The following LRRC4C variants were observed in gnomAD, a reference collection of about 807,000 sequenced individuals.
The protein encoded by LRRC4C is leucine rich repeat containing 4C, also known as leucine-rich repeat-containing protein 4C.
LRRC4C carries 5 observed loss-of-function variants against 33.6 expected under a neutral mutation model. That is an observed-to-expected ratio of 0.15 (90% CI 0.08 to 0.31). The LOEUF is 0.31. Among genes scored for constraint, LRRC4C ranks in the 10% least tolerant of loss-of-function variants. The probability of loss-of-function intolerance (pLI) is 1.00; values close to 1 mark genes in which losing one functional copy is unlikely to be tolerated. For missense variants in LRRC4C, 560 were observed against 796.7 expected, an observed-to-expected ratio of 0.70 and a Z score of 3.58; for synonymous variants, 329 against 302.0, an observed-to-expected ratio of 1.09 and a Z score of -0.93.
At chr11:41,426,056 G>T (rs991491637) in intron 1 of LRRC4C, among the ~76,000 whole-genome samples, 8 of 152,136 alleles carry the variant, frequency 5.3e-5, no homozygotes, top group Non-Finnish European at 1.2e-4. Context: ...TTCACAGTTT[G>T]TGAAACTGGG....
intron 5 of LRRC4C, among the ~76,000 whole-genome samples, chr11:40,210,164 A>G (rs1458308716): frequency 3.3e-5 from 5 of 152,072 alleles, no homozygotes; most frequent in Non-Finnish European, 7.4e-5. Flanking sequence ...AAAACTCTCA[A>G]GGCTGAGGCA....
chr11:40,640,660 T>G (rs1217325057), intron 3 of LRRC4C, among the ~76,000 whole-genome samples: 1 of 152,212 alleles, frequency 6.6e-6, no homozygotes, highest in African/African-American at 2.4e-5. Flanking sequence ...ATATATATTT[T>G]TAAATGATAT....
chr11:40,977,543 G>A (rs2137058631), intron 1 of LRRC4C, among the ~76,000 whole-genome samples: 1 of 152,196 alleles, frequency 6.6e-6, no homozygotes, highest in South Asian at 2.1e-4. Flanking sequence ...AGAAGACACA[G>A]TGACTATAAG....
At chr11:40,536,658 C>A (rs1447089258) in intron 3 of LRRC4C, among the ~76,000 whole-genome samples, 1 of 152,142 alleles carries the variant, frequency 6.6e-6, no homozygotes, top group Non-Finnish European at 1.5e-5. Context: ...AACGTTAGAA[C>A]CTTTACATTT....
At chr11:40,977,214 G>A (rs1852149211) in intron 1 of LRRC4C, among the ~76,000 whole-genome samples, 1 of 152,004 alleles carries the variant, frequency 6.6e-6, no homozygotes, top group South Asian at 2.1e-4. Context: ...TATAGATGAA[G>A]TTTTGCTCAC....
chr11:40,545,473 G>A (rs1956876610), intron 3 of LRRC4C, among the ~76,000 whole-genome samples: 1 of 151,892 alleles, frequency 6.6e-6, no homozygotes, highest in African/African-American at 2.4e-5. Flanking sequence ...CTAAAAGTAA[G>A]GGGATTAAAG....
At chr11:40,762,205 TG>T (rs1949249192) in intron 2 of LRRC4C, among the ~76,000 whole-genome samples, 1 of 152,152 alleles carries the variant, frequency 6.6e-6, no homozygotes, top group African/African-American at 2.4e-5. Flanking sequence ...TGTGGAGAAA[TG>T]TAACACTCAT....
intron 3 of LRRC4C, among the ~76,000 whole-genome samples, chr11:40,405,597 A>G (rs555800054): frequency 1.7e-4 from 24 of 141,026 alleles, no homozygotes; most frequent in South Asian, 7.7e-4. Flanking sequence ...TGACAAGAGC[A>G]ACACTCTATC....
chr11:40,233,266 T>C (rs1281534812), intron 5 of LRRC4C, among the ~76,000 whole-genome samples: 1 of 152,188 alleles, frequency 6.6e-6, no homozygotes, highest in Non-Finnish European at 1.5e-5. Flanking sequence ...TGTCCATAAG[T>C]ATAGCAACTG....
At chr11:41,388,880 A>G (rs953891982) in intron 1 of LRRC4C, among the ~76,000 whole-genome samples, 1 of 151,746 alleles carries the variant, frequency 6.6e-6, no homozygotes, top group African/African-American at 2.4e-5. Context: ...CCACAGTTGT[A>G]ATATGTAAGG....
intron 4 of LRRC4C, among the ~76,000 whole-genome samples, chr11:40,299,432 C>G (rs996888150): frequency 1.3e-5 from 2 of 152,146 alleles, no homozygotes; most frequent in African/African-American, 4.8e-5. Flanking sequence ...CTAGTACCAG[C>G]TAGCTTGTGA....
chr11:41,144,536 CT>C (rs1391493091), intron 1 of LRRC4C, among the ~76,000 whole-genome samples: 1 of 152,076 alleles, frequency 6.6e-6, no homozygotes, highest in African/African-American at 2.4e-5. Context: ...TCTCTCAAGG[CT>C]TTTCAACACA....
At chr11:40,489,688 C>T (rs887146395) in intron 3 of LRRC4C, among the ~76,000 whole-genome samples, 18 of 152,080 alleles carry the variant, frequency 1.2e-4, no homozygotes, top group Non-Finnish European at 2.2e-4. Context: ...CTTTATTGTT[C>T]AGCAACATGT....
intron 2 of LRRC4C, among the ~76,000 whole-genome samples, chr11:40,753,417 A>G (rs537615206): frequency 4.6e-5 from 7 of 151,604 alleles, no homozygotes; most frequent in African/African-American, 1.5e-4. Flanking sequence ...AATATGAAGT[A>G]CCAGTAAAAA....
chr11:41,096,308 T>A (rs1590556534), intron 1 of LRRC4C, among the ~76,000 whole-genome samples: 1 of 152,192 alleles, frequency 6.6e-6, no homozygotes, highest in African/African-American at 2.4e-5. Context: ...CAAACACCAT[T>A]AAACTTTAAT....
At chr11:40,433,166 G>A (rs189816701) in intron 3 of LRRC4C, among the ~76,000 whole-genome samples, 1 of 152,048 alleles carries the variant, frequency 6.6e-6, no homozygotes, top group Non-Finnish European at 1.5e-5. Context: ...TATGCAAATA[G>A]CATTTAGGTT....
chr11:41,397,535 A>C (rs1953866809), intron 1 of LRRC4C, among the ~76,000 whole-genome samples: 1 of 151,908 alleles, frequency 6.6e-6, no homozygotes, highest in Admixed American at 6.6e-5. Flanking sequence ...GGTGTTATTG[A>C]TAAGGTTTCT....
chr11:41,449,647 A>G (rs1405628604), intron 1 of LRRC4C, among the ~76,000 whole-genome samples: 1 of 151,948 alleles, frequency 6.6e-6, no homozygotes, highest in African/African-American at 2.4e-5. Context: ...AGGGAAGAAG[A>G]TCAAGGTGTT....
At chr11:41,250,662 A>G (rs1389561614) in intron 1 of LRRC4C, among the ~76,000 whole-genome samples, 1 of 152,204 alleles carries the variant, frequency 6.6e-6, no homozygotes, top group Non-Finnish European at 1.5e-5. Flanking sequence ...CATAAGGCAC[A>G]TGCTCAGTAC....
Sources: gnomAD v4.1 joint callset for allele counts (sites outside exome capture counted in the v4.1 genomes callset) on GRCh38, gnomAD v4.1.1 for gene constraint, MANE v1.5 for transcripts, NCBI Gene and HGNC (gene_info 2026-07-23, HGNC 2026-07-21) for gene names.